AKNA: variants seen among roughly 807,000 people sequenced by gnomAD.
AKNA encodes microtubule organization protein AKNA.
A neutral mutation model predicts 138.8 loss-of-function variants in AKNA; 67 were observed. The ratio of observed to expected loss-of-function variants is 0.48; its 90% CI spans 0.40 to 0.59. The LOEUF (loss-of-function observed/expected upper bound fraction) is 0.59, where lower values mean the gene tolerates loss of function less well. AKNA is among the 20% of genes least tolerant of loss of function. The probability of loss-of-function intolerance (pLI) is 0.00; values close to 1 mark genes in which losing one functional copy is unlikely to be tolerated. For missense variants in AKNA, 1,813 were observed against 1,880.4 expected (o/e 0.96, Z 0.66); for synonymous variants, 737 against 754.4 (o/e 0.98, Z 0.38).
Position 114,350,890 on chromosome 9 carries a change from G to A in AKNA, c.3190C>T (p.Pro1064Ser). ...PLPCGPTETI[P>S]SFLLTRAGRD... ...CCTGCCCTGGTGAGCAGGAAGCTGG[G>A]GATGGTCTCTGTTGGTCCACAGGGT... The change falls in exon 15 of 22, where the codon CCC becomes TCC. Residue 1064 changes from proline (P) to serine (S), a missense_variant. Coordinates refer to ENST00000374088, the MANE Select transcript of AKNA (RefSeq NM_001317950.2). The A allele has an allele frequency of 1.3e-6, 2 of 1,591,656 alleles. No homozygotes were observed. Among genetic ancestry groups the A allele is most frequent in the Non-Finnish European group, 1.7e-6 (2 of 1,168,960 alleles).
chr9:114,382,171 C>T (rs1005601076), intron 1 of AKNA, among the ~76,000 whole-genome samples: 1 of 152,160 alleles, frequency 6.6e-6, no homozygotes, highest in Non-Finnish European at 1.5e-5. Flanking sequence ...GGAGGAGGCA[C>T]GGGGGCTGCC....
chr9:114,381,290 A>C lies in AKNA; in HGVS notation c.44T>G (p.Leu15Arg). 1 of 1,611,048 alleles carries C rather than the reference A, an allele frequency of 6.2e-7. No homozygotes were observed. Among genetic ancestry groups the C allele is most frequent in the Non-Finnish European group, 8.5e-7 (1 of 1,178,592 alleles). ...GCGCCGCCGCTGGGGGCCCTTCCCCAGGCCAGGCTCAGCCCAGCGGATCTC... is the reference window on the plus strand; with the variant it reads ...GCGCCGCCGCTGGGGGCCCTTCCCCCGGCCAGGCTCAGCCCAGCGGATCTC... The part of the protein sequence containing the change: ...ETEIRWAEPG[L>R]GKGPQRRRWA... The change falls in exon 2 of 22, where the codon CTG becomes CGG. Residue 15 changes from leucine (L) to arginine (R), a missense_variant. Physicochemically the swap from Leu to Arg is moderately radical, Grantham distance 102 (BLOSUM62 -2). Transcript: ENST00000374088.
chr9:114,358,611 C>T lies in AKNA; in HGVS notation c.2493-444G>A, dbSNP rs568842045. Among the ~76,000 whole-genome samples, 5 of 151,640 alleles carry T rather than the reference C, an allele frequency of 3.3e-5. No homozygotes were observed. The South Asian group carries it at 6.2e-4, about 19-fold the overall frequency. ...AATATTATCATATACTAGATAGATC[C>T]ACTTGCCTGCTAAATGCTCTAGGCC... On this transcript the variant is annotated intron_variant, in intron 11 of 21. Transcript: ENST00000374088.
At chr9:114,360,143 G>C (rs545502719) in intron 9 of AKNA, 81 bp from the exon 10 acceptor site, 1 of 1,577,438 alleles carries the variant, frequency 6.3e-7, no homozygotes. Flanking sequence ...TGCCAGGCTC[G>C]AGCTGTGGGC....
rs1216455419 is a variant in AKNA at position 114,361,856 on chromosome 9, G to A, written c.1972C>T (p.His658Tyr). 6.2e-7 allele frequency: 1 copy of A among 1,610,642 alleles called. No individual in the cohort carries two copies. Among genetic ancestry groups the A allele is most frequent in the Non-Finnish European group, 8.5e-7 (1 of 1,179,982 alleles). ...GGCTCTTGCTGGGTCTGGTCTATGT[G>A]TTCCTTCAGCTCTTCCAGGCAGCTT... ...LGSCLEELKE[H>Y]IDQTQQEPEP... Residue 658 changes from histidine (H) to tyrosine (Y), a missense_variant, in exon 9 of 22, where the codon CAC becomes TAC. His to Tyr is a moderately conservative substitution (Grantham distance 83, BLOSUM62 2). Transcript: ENST00000374088.
chr9:114,337,323 G>C lies in AKNA; in HGVS notation c.4068-17C>G. 1 of 1,428,422 alleles carries C rather than the reference G, an allele frequency of 7.0e-7. No individual in the cohort carries two copies. Among genetic ancestry groups the C allele is most frequent in the Non-Finnish European group, 9.3e-7 (1 of 1,077,842 alleles). 88.5% of individuals were successfully genotyped at this position (1,428,422 alleles called of 1,614,324 possible). ...GCATAGTACCTGAGGAGAGAAGTGA[G>C]TGGGCTCGTTACACATGGGGAGGGC... On this transcript the variant is annotated splice_polypyrimidine_tract_variant and intron_variant, in intron 21 of 21. Transcript: ENST00000374088.
Position 114,361,861 on chromosome 9 carries a change from T to C in AKNA, c.1967A>G (p.Lys656Arg), listed in dbSNP as rs1339416508. 1.9e-6 allele frequency: 3 copies of C among 1,609,870 alleles called. No individual in the cohort carries two copies. The Admixed American group carries it at 5.0e-5, about 27-fold the overall frequency. The change falls in exon 9 of 22, where the codon AAG becomes AGG. Residue 656 changes from lysine to arginine, a missense_variant. Coordinates refer to ENST00000374088, the MANE Select transcript of AKNA (RefSeq NM_001317950.2). ...YRLGSCLEEL[K>R]EHIDQTQQEP... Reference sequence around the variant, plus strand: ...TTGCTGGGTCTGGTCTATGTGTTCCTTCAGCTCTTCCAGGCAGCTTCCCAG... The same window carrying C: ...TTGCTGGGTCTGGTCTATGTGTTCCCTCAGCTCTTCCAGGCAGCTTCCCAG...
chr9:114,340,838 G>C (rs554500323), intron 21 of AKNA, among the ~76,000 whole-genome samples: 1 of 152,286 alleles, frequency 6.6e-6, no homozygotes, highest in East Asian at 1.9e-4. Flanking sequence ...AGATGTCCAG[G>C]TCATCAAAAA....
intron 14 of AKNA, among the ~76,000 whole-genome samples, chr9:114,351,815 A>T (rs1487425968): frequency 6.6e-6 from 1 of 152,128 alleles, no homozygotes; most frequent in Non-Finnish European, 1.5e-5. Flanking sequence ...TGGGTGACAG[A>T]GCAAGACCCT....
chr9:114,396,270 C>T (rs1052081349), upstream of AKNA, among the ~76,000 whole-genome samples: 2 of 152,132 alleles, frequency 1.3e-5, no homozygotes, highest in African/African-American at 4.8e-5. Context: ...CTAATAATAC[C>T]AATGGTATTA....
intron 14 of AKNA, among the ~76,000 whole-genome samples, chr9:114,354,236 AACACACACACATCACAG>A (rs1363630962): frequency 7.9e-5 from 12 of 152,018 alleles, no homozygotes; most frequent in African/African-American, 2.7e-4. Context: ...AACTAAGACA[AACACACACACATCACAG>A]ACACACACAC....
At chr9:114,395,736 TAAAAAAAAAAA>T (rs11297740), upstream of AKNA, among the ~76,000 whole-genome samples, 1 of 108,250 alleles carries the variant, frequency 9.2e-6, no homozygotes, top group South Asian at 3.0e-4. Context: ...CAGCTGTCTT[TAAAAAAAAAAA>T]AAAAAAAAAA....
At position 114,338,893 on chromosome 9, in the gene AKNA, T is replaced by A. The variant is rs1588935483; in HGVS notation, c.4068-1587A>T. Among the ~76,000 whole-genome samples the A allele has an allele frequency of 2.0e-5, 3 of 152,242 alleles. 1 individual carries two copies. The highest frequency in any genetic ancestry group is 2.1e-4 in the South Asian group (1 of 4,830). ...CCATGGGTTCACACCTGGGCCCGAC[T>A]CTCCCCACATATCTAATGTGTGCTA... On this transcript the variant is annotated intron_variant, in intron 21 of 21. Transcript: ENST00000374088.
At chr9:114,390,914 A>G (rs778490562), upstream of AKNA, among the ~76,000 whole-genome samples, 3 of 152,190 alleles carry the variant, frequency 2.0e-5, no homozygotes, top group Non-Finnish European at 2.9e-5. Flanking sequence ...TTCATATGTG[A>G]TTATTTGATT....
chr9:114,365,436 G>A (rs969973421), intron 6 of AKNA, among the ~76,000 whole-genome samples: 18 of 152,142 alleles, frequency 1.2e-4, no homozygotes, highest in African/African-American at 4.3e-4. Context: ...CTGTGCAAAG[G>A]TCCTTATCAT....
intron 3 of AKNA, chr9:114,376,208 C>T: frequency 5.4e-6 from 2 of 368,762 alleles, no homozygotes; most frequent in South Asian, 1.7e-5. Flanking sequence ...CCCCACCAGG[C>T]TCTACCCCAG....
At chr9:114,368,221 G>T in intron 5 of AKNA, 1 of 436,582 alleles carries the variant, frequency 2.3e-6, no homozygotes, top group Non-Finnish European at 3.8e-6. Context: ...AAGATGCCAA[G>T]TGGCAGGGCC....
At chr9:114,398,290 T>G (rs1417455239), upstream of AKNA, 1 of 152,034 alleles carries the variant, frequency 6.6e-6, no homozygotes, top group Non-Finnish European at 1.5e-5. The surrounding 1 kb of genome is among the most constrained non-coding windows in gnomAD (Gnocchi z 4.2). Flanking sequence ...GGTTTCCACG[T>G]GGAAAAGACC....
intron 21 of AKNA, among the ~76,000 whole-genome samples, chr9:114,341,276 C>A (rs757779224): frequency 1.3e-5 from 2 of 152,210 alleles, no homozygotes; most frequent in Non-Finnish European, 2.9e-5. Flanking sequence ...GAGGGCAGGG[C>A]CCTCTTGCTA....
Sources: gnomAD v4.1 joint callset for allele counts (sites outside exome capture counted in the v4.1 genomes callset) on GRCh38, gnomAD v4.1.1 for gene constraint, Gnocchi (gnomAD v3.1) non-coding constraint, MANE v1.5 for transcripts, NCBI Gene and HGNC (gene_info 2026-07-23, HGNC 2026-07-21) for gene names.